The following ZNF862 variants were observed in gnomAD, a reference collection of about 807,000 sequenced individuals.
The protein encoded by ZNF862 is zinc finger protein 862.
ZNF862 carries 64 observed loss-of-function variants against 91.1 expected under a neutral mutation model. The observed-to-expected ratio is 0.70, with a 90% CI of 0.57 to 0.87. The LOEUF (loss-of-function observed/expected upper bound fraction) is 0.87, where lower values mean the gene tolerates loss of function less well. Ranked by LOEUF, ZNF862 falls within the 40% of genes least tolerant of loss-of-function variation. ZNF862 has a pLI of 0.00. For missense variants in ZNF862, 1,459 were observed against 1,528.0 expected (o/e 0.95, Z 0.75); for synonymous variants, 631 against 618.1 (o/e 1.02, Z -0.31).
intron 5 of ZNF862, chr7:149,858,449 C>T (rs1802334413): frequency 6.6e-6 from 1 of 152,136 alleles, no homozygotes; most frequent in Admixed American, 6.5e-5. Context: ...TATTGACACA[C>T]ACATATATGT....
Position 149,864,360 on chromosome 7 carries a change from C to T in ZNF862, c.*76C>T. ...GACAGGCTCTGCAGATTCTAGGCTG[C>T]CCTAGGATCTTCTGCTGGTGGCGAT... On this transcript the variant is annotated 3_prime_UTR_variant, in exon 8 of 8. Transcript: ENST00000223210. 7.0e-7 allele frequency: 1 copy of T among 1,422,354 alleles called. No individual in the cohort carries two copies. The highest frequency in any genetic ancestry group is 1.4e-5 in the South Asian group (1 of 71,786). 88.1% of individuals were successfully genotyped at this position (1,422,354 alleles called of 1,614,324 possible).
rs10674865 is a variant in ZNF862 at position 149,852,337 on chromosome 7, TTGTGTGTGTG to T, written c.1117+2026_1117+2035del. Among the ~76,000 whole-genome samples the T allele has an allele frequency of 5.4e-4, 76 of 140,506 alleles. No individual in the cohort carries two copies. The East Asian group carries it at 9.9e-3, about 18-fold the overall frequency. The allele number at this position is 140,506 out of a possible 152,430, so 92.2% of individuals were successfully genotyped here. ...ACAACTTCTTGGGGTGAACTCAGTT[TTGTGTGTGTG>T]TGTGTGTGTGTGTGTGTGTGTGTGT... On this transcript the variant is annotated intron_variant, in intron 5 of 7. Transcript: ENST00000223210.
rs531728764 is a variant in ZNF862, at chr7:149,859,409, A to C, written c.1118-13A>C. 3.2e-6 allele frequency: 5 copies of C among 1,561,332 alleles called. No homozygotes were observed. The South Asian group carries it at 3.5e-5, about 11-fold the overall frequency. On this transcript the variant is annotated splice_polypyrimidine_tract_variant and intron_variant, in intron 5 of 7. Coordinates refer to ENST00000223210, the MANE Select transcript of ZNF862 (RefSeq NM_001099220.3). The stretch of plus-strand genomic sequence containing the variant: ...AGCAGTGACATCAGCATGATTCTTC[A>C]TCCTTACAACAGGACCTGCCGCTGC...
rs1304994684 is a variant in ZNF862, at chr7:149,838,573, CG to C, written c.-33del. 2.5e-6 allele frequency: 3 copies of C among 1,209,292 alleles called. No homozygotes were observed. Among genetic ancestry groups the C allele is most frequent in the Non-Finnish European group, 2.1e-6 (2 of 966,912 alleles). The allele number at this position is 1,209,292 out of a possible 1,614,324, so 74.9% of individuals were successfully genotyped here. ...GCGGCTGCATCCTCAGGCCAGGCCG[CG>C]GGGGGAGGGGGCGGCACGGGCCTCC... On this transcript the variant is annotated 5_prime_UTR_variant, in exon 1 of 8. Transcript: ENST00000223210.
In ZNF862 at chr7:149,847,832, C is replaced by A; in HGVS notation, c.339C>A (p.Ser113=). 6.2e-7 allele frequency: 1 copy of A among 1,613,798 alleles called. No individual in the cohort carries two copies. The highest frequency in any genetic ancestry group is 8.5e-7 in the Non-Finnish European group (1 of 1,179,830). The change falls in exon 4 of 8, where the codon TCC becomes TCA. Residue 113 remains serine (S), a synonymous_variant. Transcript: ENST00000223210. The part of the protein sequence containing the change: ...SLPPQKKAYL[S]HLSTGSGHIE... ...CGCCTCAGAAGAAAGCCTACCTTTC[C>A]CACCTCAGTACAGGCAGTGGACACA... is the stretch of plus-strand genomic sequence containing the variant.
chr7:149,854,394 G>T (rs1345919861), intron 5 of ZNF862, among the ~76,000 whole-genome samples: 1 of 152,202 alleles, frequency 6.6e-6, no homozygotes, highest in Non-Finnish European at 1.5e-5. Flanking sequence ...CAGATGCTGG[G>T]CTATAGAGAC....
At position 149,862,122 on chromosome 7, in the gene ZNF862, GCT is replaced by G. The variant is rs1239725102; in HGVS notation, c.2965_2966del (p.Leu989AlafsTer51). The stretch of plus-strand genomic sequence containing the variant: ...CCTCCCAACAGGATACAGTGAGGAA[GCT>G]CTGCTGGAGGAGTGGCTGGGCCTGA... Reference protein sequence around the residue: ...CSLPTGYSEEALLEEWLGLKT... With the variant: ...CSLPTGYSEEXLLEEWLGLKT... On this transcript the variant is annotated frameshift_variant, in exon 7 of 8. Transcript: ENST00000223210. LOFTEE classifies it high-confidence loss of function. 1 of 1,613,598 alleles carries G rather than the reference GCT, an allele frequency of 6.2e-7. No individual in the cohort carries two copies. The highest frequency in any genetic ancestry group is 1.1e-5 in the South Asian group (1 of 91,084).
At position 149,847,735 on chromosome 7, in the gene ZNF862, G is replaced by GA. The variant is rs755241977; in HGVS notation, c.249dup (p.Gln84ThrfsTer71). Reference sequence around the variant, plus strand: ...AATCCCTTCTGTCTCTTCTCTAAAGGAAAAAAACAGATGGGCTACATGGGA... The same window carrying GA: ...AATCCCTTCTGTCTCTTCTCTAAAGGAAAAAAAACAGATGGGCTACATGGGA... On this transcript the variant is annotated frameshift_variant and splice_region_variant, in exon 4 of 8. Transcript: ENST00000223210. LOFTEE classifies it high-confidence loss of function. 1.2e-6 allele frequency: 2 copies of GA among 1,604,034 alleles called. No homozygotes were observed. The highest frequency in any genetic ancestry group is 8.5e-7 in the Non-Finnish European group (1 of 1,175,746).
In ZNF862 at chr7:149,866,715, AG is replaced by A. The variant is rs1435419693; in HGVS notation, c.*2435del. On this transcript the variant is annotated 3_prime_UTR_variant, in exon 8 of 8. Coordinates refer to ENST00000223210, the MANE Select transcript of ZNF862 (RefSeq NM_001099220.3). ...AAAATTTGCACTACCCGATTTCTCA[AG>A]GGGCACAGGCCTGCTCCGTTCCCCT... 6.6e-6 allele frequency: 1 copy of A among 152,118 alleles called. No individual in the cohort carries two copies. Among genetic ancestry groups the A allele is most frequent in the East Asian group, 1.9e-4 (1 of 5,184 alleles). 9.4% of individuals were successfully genotyped at this position (152,118 alleles called of 1,614,324 possible).
At chr7:149,853,779 A>G (rs1802155571) in intron 5 of ZNF862, among the ~76,000 whole-genome samples, 1 of 152,096 alleles carries the variant, frequency 6.6e-6, no homozygotes, top group Non-Finnish European at 1.5e-5. Flanking sequence ...CTCTACTAAA[A>G]ATACAAAAAT....
At chr7:149,840,619 A>C (rs921300023) in intron 1 of ZNF862, among the ~76,000 whole-genome samples, 1 of 151,416 alleles carries the variant, frequency 6.6e-6, no homozygotes, top group African/African-American at 2.4e-5. Flanking sequence ...TAAGTGCCCA[A>C]TACAGATGGA....
Position 149,862,483 on chromosome 7 carries a change from G to A in ZNF862, c.3323G>A (p.Arg1108His), listed in dbSNP as rs1009755233. 3.1e-5 allele frequency: 49 copies of A among 1,587,704 alleles called. No individual in the cohort carries two copies. In the Middle Eastern group the frequency reaches 6.7e-4, roughly 22 times the overall value. Residue 1108 changes from arginine (R) to histidine (H), a missense_variant, in exon 7 of 8, where the codon CGC becomes CAC. By Grantham distance (29) the Arg-to-His change is conservative (BLOSUM62 0). Coordinates refer to ENST00000223210, the MANE Select transcript of ZNF862 (RefSeq NM_001099220.3). ...HVYTCAQVPA[R>H]SPASARLRKE... ...TACACCTGTGCCCAGGTGCCAGCCC[G>A]CTCCCCTGCAAGTAAGTACACGTGG...
chr7:149,859,148 C>T (rs775347064), intron 5 of ZNF862: 38 of 507,026 alleles, frequency 7.5e-5, no homozygotes, highest in Non-Finnish European at 1.2e-4. Context: ...CCTGCTTAGT[C>T]CCTATGTTTC....
intron 7 of ZNF862, among the ~76,000 whole-genome samples, chr7:149,863,328 TTGC>T: frequency 7.0e-6 from 1 of 142,876 alleles, no homozygotes; most frequent in Admixed American, 6.7e-5. Context: ...CTTCCGGCTG[TTGC>T]TGCTCCCAGT....
In ZNF862 at chr7:149,850,271, A is replaced by G. The variant is rs1802021760; in HGVS notation, c.1050A>G (p.Leu350=). The G allele has an allele frequency of 8.7e-6, 14 of 1,613,628 alleles. No homozygotes were observed. The highest frequency in any genetic ancestry group is 1.1e-5 in the Non-Finnish European group (13 of 1,179,892). The change falls in exon 5 of 8, where the codon CTA becomes CTG. Residue 350 remains leucine (L), a synonymous_variant. Transcript: ENST00000223210. This position sits in a 1 kb window ranked among gnomAD's most constrained non-coding sequence, Gnocchi z 4.2. ...TCACCCGGGAGGAGTGGGGCATGCT[A>G]GACAAGCGGCAGAAGGAGCTGTACA... ...VYFTREEWGM[L]DKRQKELYRD... is the part of the protein sequence containing the mutation.
chr7:149,844,991 C>A lies in ZNF862; in HGVS notation c.136+255C>A, dbSNP rs992277898. The A allele has an allele frequency of 4.9e-5, 20 of 411,394 alleles. No homozygotes were observed. In the Admixed American group the frequency reaches 6.9e-4, roughly 14 times the overall value. The allele number at this position is 411,394 out of a possible 1,614,324, so 25.5% of individuals were successfully genotyped here. ...GCCTGGGCTAGACTCCTGGGTCTGT[C>A]TCCTGGTGCCTCAGAATGCCCCAAG... On this transcript the variant is annotated intron_variant, in intron 2 of 7. Coordinates refer to ENST00000223210, the MANE Select transcript of ZNF862 (RefSeq NM_001099220.3).
Position 149,861,726 on chromosome 7 carries a change from G to A in ZNF862, c.2566G>A (p.Glu856Lys), listed in dbSNP as rs1390401847. ...DFLSIYRPLS[E>K]VCQKEIVLIT... Reference sequence around the variant, plus strand: ...CCTGAGCATCTACAGGCCTCTGTCCGAGGTGTGCCAGAAGGAGATCGTGCT... The same window carrying A: ...CCTGAGCATCTACAGGCCTCTGTCCAAGGTGTGCCAGAAGGAGATCGTGCT... The change falls in exon 7 of 8, where the codon GAG becomes AAG. Residue 856 changes from glutamate to lysine, a missense_variant. By Grantham distance (56) the Glu-to-Lys change is moderately conservative. Transcript: ENST00000223210. The surrounding 1 kb of genome is among the most constrained non-coding windows in gnomAD (Gnocchi z 6.7). 6 of 1,613,422 alleles carry A rather than the reference G, an allele frequency of 3.7e-6. No individual in the cohort carries two copies. The highest frequency in any genetic ancestry group is 4.2e-6 in the Non-Finnish European group (5 of 1,179,808).
At chr7:149,863,259 C>T (rs10270385) in intron 7 of ZNF862, among the ~76,000 whole-genome samples, 82,372 of 151,962 alleles carry the variant, frequency 0.54, 22,616 homozygotes, top group Middle Eastern at 0.61. Flanking sequence ...CCAGACCACT[C>T]GCGACCACTT....
rs747960139 is a variant in ZNF862, at chr7:149,847,964, G to A, written c.471G>A (p.Thr157=). Reference sequence around the variant, plus strand: ...GGCTGATCATGAATGAGGAGCAGACGGCTCTGTTCTGCTCTGCTTGCCGAG... The same window carrying A: ...GGCTGATCATGAATGAGGAGCAGACAGCTCTGTTCTGCTCTGCTTGCCGAG... ...FPWLIMNEEQ[T]ALFCSACREY... Residue 157 remains threonine, a synonymous_variant, in exon 4 of 8, where the codon ACG becomes ACA. Transcript: ENST00000223210. 2.4e-5 allele frequency: 39 copies of A among 1,610,230 alleles called. No homozygotes were observed. Among genetic ancestry groups the A allele is most frequent in the South Asian group, 4.4e-5 (4 of 90,472 alleles).
Sources: gnomAD v4.1 joint callset for allele counts (sites outside exome capture counted in the v4.1 genomes callset) on GRCh38, gnomAD v4.1.1 for gene constraint, Gnocchi (gnomAD v3.1) non-coding constraint, MANE v1.5 for transcripts, NCBI Gene and HGNC (gene_info 2026-07-23, HGNC 2026-07-21) for gene names.